ARHGEF28: variants seen among roughly 807,000 people sequenced by gnomAD.
ARHGEF28 encodes Rho guanine nucleotide exchange factor 28.
A neutral mutation model predicts 206.6 loss-of-function variants in ARHGEF28; 152 were observed. The ratio of observed to expected loss-of-function variants is 0.74; its 90% CI spans 0.64 to 0.84. The LOEUF (loss-of-function observed/expected upper bound fraction) is 0.84, where lower values mean the gene tolerates loss of function less well. Among genes scored for constraint, ARHGEF28 ranks in the 40% least tolerant of loss-of-function variants. ARHGEF28 has a pLI of 0.00. For missense variants in ARHGEF28, 2,028 were observed against 2,073.2 expected, an observed-to-expected ratio of 0.98 and a Z score of 0.42; for synonymous variants, 763 against 776.4, an observed-to-expected ratio of 0.98 and a Z score of 0.29.
chr5:73,830,414 T>C (rs1301302078), intron 9 of ARHGEF28, among the ~76,000 whole-genome samples: 1 of 151,724 alleles, frequency 6.6e-6, no homozygotes, highest in African/African-American at 2.4e-5. Flanking sequence ...ATTAACTGGG[T>C]GTGGTGGCGG....
In ARHGEF28 at chr5:73,858,222, A is replaced by C; in HGVS notation, c.2047+3A>C. On this transcript the variant is annotated splice_donor_region_variant and intron_variant, in intron 16 of 35. Coordinates refer to ENST00000513042, the MANE Select transcript of ARHGEF28 (RefSeq NM_001177693.2). ...GAAAGAGTCACTGCAGTGTTCTAGTAAGTTCTCAGGTCTATGTGCGCTGTC... is the reference window on the plus strand; with the variant it reads ...GAAAGAGTCACTGCAGTGTTCTAGTCAGTTCTCAGGTCTATGTGCGCTGTC... 6.3e-7 allele frequency: 1 copy of C among 1,583,716 alleles called. No homozygotes were observed. Among genetic ancestry groups the C allele is most frequent in the Non-Finnish European group, 8.5e-7 (1 of 1,170,432 alleles).
At chr5:73,915,260 A>G (rs1020360050) in intron 35 of ARHGEF28, among the ~76,000 whole-genome samples, 31 of 152,296 alleles carry the variant, frequency 2.0e-4, no homozygotes, top group African/African-American at 6.7e-4. Context: ...TTTCAGTATC[A>G]TAAATACTCT....
At chr5:73,892,370 C>A in intron 27 of ARHGEF28, 140 bp downstream of exon 27, 2 of 882,878 alleles carry the variant, frequency 2.3e-6, no homozygotes, top group Non-Finnish European at 3.4e-6. Context: ...CTGCGATAGC[C>A]CCCCATCTGC....
chr5:73,650,184 G>A (rs1369426756), intron 1 of ARHGEF28, among the ~76,000 whole-genome samples: 1 of 151,656 alleles, frequency 6.6e-6, no homozygotes, highest in Admixed American at 6.6e-5. Context: ...CTGGTCTACT[G>A]TAGTGTGTAT....
In ARHGEF28 at chr5:73,633,740, C is replaced by A. The variant is rs1263542051; in HGVS notation, c.-12+7418C>A. Among the ~76,000 whole-genome samples the A allele has an allele frequency of 1.2e-4, 18 of 151,996 alleles. No homozygotes were observed. The South Asian group carries it at 3.5e-3, about 30-fold the overall frequency. ...TAGGGGTGCATGCCACCATGCCCAG[C>A]TAATTTTTATATTTTTAGTAGAGAC... On this transcript the variant is annotated intron_variant, in intron 1 of 35. Coordinates refer to ENST00000513042, the MANE Select transcript of ARHGEF28 (RefSeq NM_001177693.2).
At chr5:73,878,224 T>G (rs1760662935) in intron 22 of ARHGEF28, among the ~76,000 whole-genome samples, 1 of 149,452 alleles carries the variant, frequency 6.7e-6, no homozygotes, top group East Asian at 1.9e-4. Flanking sequence ...AAAGTCTGTT[T>G]TATCCGAGAT....
At chr5:73,721,895 C>T (rs1428900325) in intron 2 of ARHGEF28, among the ~76,000 whole-genome samples, 1 of 152,188 alleles carries the variant, frequency 6.6e-6, no homozygotes, top group Non-Finnish European at 1.5e-5. Flanking sequence ...TGTCGGTATT[C>T]CCTTTGTTAG....
chr5:73,858,798 G>A (rs555038438), intron 16 of ARHGEF28, among the ~76,000 whole-genome samples: 3 of 152,064 alleles, frequency 2.0e-5, no homozygotes, highest in Admixed American at 6.6e-5. Flanking sequence ...ATATCACTGC[G>A]TTCAAAAAAA....
rs111495032 is a variant in ARHGEF28, at chr5:73,814,740, C to T, written c.1025-17598C>T. 4.2e-3 allele frequency among the ~76,000 whole-genome samples: 642 copies of T among 152,210 alleles called. 7 individuals are homozygous for T. Among genetic ancestry groups the T allele is most frequent in the African/African-American group, 0.014 (594 of 41,524 alleles). ...TGTGCTTCTCCCAGAGGAGGATGGA[C>T]GCTAGCAGTTGTCAGCAAACCAGCT... On this transcript the variant is annotated intron_variant, in intron 9 of 35. Coordinates refer to ENST00000513042, the MANE Select transcript of ARHGEF28 (RefSeq NM_001177693.2).
Position 73,809,720 on chromosome 5 carries a change from A to T in ARHGEF28, c.1024+14329A>T, listed in dbSNP as rs1041980250. Among the ~76,000 whole-genome samples the T allele has an allele frequency of 3.3e-5, 5 of 152,262 alleles. No individual in the cohort carries two copies. In the East Asian group the frequency reaches 9.6e-4, roughly 29 times the overall value. On this transcript the variant is annotated intron_variant, in intron 9 of 35. Coordinates refer to ENST00000513042, the MANE Select transcript of ARHGEF28 (RefSeq NM_001177693.2). Reference sequence around the variant, plus strand: ...GGGTCTTTTAGAAAGCTGAAACTTCAAGGCAGCAGTATCTTCTCTGAATAA... The same window carrying T: ...GGGTCTTTTAGAAAGCTGAAACTTCTAGGCAGCAGTATCTTCTCTGAATAA...
rs142274144 is a variant in ARHGEF28 at position 73,671,013 on chromosome 5, G to A, written c.-11-13828G>A. Among the ~76,000 whole-genome samples the A allele has an allele frequency of 7.2e-5, 11 of 151,958 alleles. No homozygotes were observed. The East Asian group carries it at 1.7e-3, about 24-fold the overall frequency. ...TTAGCCTTTTTTTTTCAGGTCTAAC[G>A]GGCCCTTGAGAATCCGATGAAAACT... On this transcript the variant is annotated intron_variant, in intron 1 of 35. Transcript: ENST00000513042.
In ARHGEF28 at chr5:73,840,663, T is replaced by C; in HGVS notation, c.1330T>C (p.Ser444Pro). 6.2e-7 allele frequency: 1 copy of C among 1,613,664 alleles called. No individual in the cohort carries two copies. The change falls in exon 11 of 36, where the codon TCC (serine) becomes CCC (proline). Residue 444 changes from serine (S) to proline (P), a missense_variant. Transcript: ENST00000513042. ...EGTAHTEAQQ[S>P]FMSPSSSCAS... ...GACAGCACACACTGAAGCCCAGCAG[T>C]CCTTCATGTCACCATCAAGTTCGTG... is the stretch of plus-strand genomic sequence containing the variant.
rs934376025 is a variant in ARHGEF28, at chr5:73,858,947, G to A, written c.2047+728G>A. Reference sequence around the variant, plus strand: ...CACACTGGCATCTTTGCTGTTTTTCGAACATGGCAGTCATGCTCCTGCCTT... The same window carrying A: ...CACACTGGCATCTTTGCTGTTTTTCAAACATGGCAGTCATGCTCCTGCCTT... On this transcript the variant is annotated intron_variant, in intron 16 of 35. Coordinates refer to ENST00000513042, the MANE Select transcript of ARHGEF28 (RefSeq NM_001177693.2). Among the ~76,000 whole-genome samples the A allele has an allele frequency of 3.9e-5, 6 of 152,098 alleles. No individual in the cohort carries two copies. The East Asian group carries it at 9.7e-4, about 25-fold the overall frequency.
chr5:73,853,635 T>A (rs564124350), intron 14 of ARHGEF28, among the ~76,000 whole-genome samples: 1 of 152,340 alleles, frequency 6.6e-6, no homozygotes. Context: ...GATGATCAAG[T>A]TGACTTCGTG....
chr5:73,893,222 A>G lies in ARHGEF28; in HGVS notation c.3592A>G (p.Thr1198Ala), dbSNP rs1761755301. 2 of 1,556,504 alleles carry G rather than the reference A, an allele frequency of 1.3e-6. No individual in the cohort carries two copies. Among genetic ancestry groups the G allele is most frequent in the Middle Eastern group, 3.3e-4 (2 of 6,000 alleles). The change falls in exon 28 of 36, where the codon ACA (threonine) becomes GCA (alanine). Residue 1198 changes from threonine to alanine, a missense_variant. This residue lies in a region of ARHGEF28 where 803 missense variants were observed against 768.0 expected (regional missense o/e 1.05). Coordinates refer to ENST00000513042, the MANE Select transcript of ARHGEF28 (RefSeq NM_001177693.2). ...ESCPEEKGGR[T>A]SESDEDKRKA... ...TTGTCCTGAAGAAAAAGGGGGAAGG[A>G]CAAGTGAATCTGATGAAGACAAGAG...
chr5:73,897,901 C>T (rs145899439), intron 29 of ARHGEF28, 61 bp from the exon 30 acceptor site: 1 of 1,502,836 alleles, frequency 6.7e-7, no homozygotes, highest in African/African-American at 1.4e-5. Flanking sequence ...AATTCCTGGT[C>T]TAGATTAAAT....
chr5:73,915,172 T>C (rs1456059980), intron 35 of ARHGEF28, among the ~76,000 whole-genome samples: 2 of 152,150 alleles, frequency 1.3e-5, no homozygotes, highest in Non-Finnish European at 2.9e-5. Context: ...CCTCCTTCCC[T>C]TTTTAATAGT....
intron 35 of ARHGEF28, among the ~76,000 whole-genome samples, chr5:73,913,826 T>C (rs1489859438): frequency 6.6e-6 from 1 of 152,242 alleles, no homozygotes; most frequent in Non-Finnish European, 1.5e-5. Context: ...AAATGTGTAC[T>C]TAACCATGAT....
chr5:73,882,127 A>G lies in ARHGEF28; in HGVS notation c.2815-345A>G, dbSNP rs537695525. On this transcript the variant is annotated intron_variant, in intron 22 of 35. Transcript: ENST00000513042. ...CCTGAAGGCCCCTAAATGTTGCCAT[A>G]TACTTTTCTTTCAATCTATAAAAGT... 6.9e-4 allele frequency among the ~76,000 whole-genome samples: 105 copies of G among 152,266 alleles called. 2 individuals are homozygous for G. The highest frequency in any genetic ancestry group is 6.8e-3 in the Admixed American group (104 of 15,286).
Sources: allele counts gnomAD v4.1 joint callset (sites outside exome capture counted in the v4.1 genomes callset), GRCh38; gene constraint gnomAD v4.1.1; regional missense constraint gnomAD v4.1.1; transcripts MANE v1.5; gene names NCBI Gene and HGNC (gene_info 2026-07-23, HGNC 2026-07-21).